Variants in SPRED1 observed in about 807,000 individuals in gnomAD.
SPRED1 encodes the protein sprouty related EVH1 domain containing 1, also known as sprouty-related, EVH1 domain-containing protein 1.
In SPRED1, 18 loss-of-function variants were observed where a neutral mutation model predicts 52.3. That is an observed-to-expected ratio of 0.34 (90% confidence interval 0.24 to 0.51). SPRED1 has a LOEUF of 0.51. SPRED1 is among the 20% of genes least tolerant of loss of function. The pLI, the probability that SPRED1 is intolerant of heterozygous loss-of-function variation, is 0.97. For missense variants in SPRED1, 485 were observed against 551.0 expected (o/e 0.88, Z 1.20); for synonymous variants, 155 against 179.7 (o/e 0.86, Z 1.10).
chr15:38,347,830 G>A (rs926790148), intron 5 of SPRED1, among the ~76,000 whole-genome samples: 6 of 152,040 alleles, frequency 3.9e-5, no homozygotes, highest in African/African-American at 7.2e-5. Flanking sequence ...AAATTTTCCT[G>A]AAGATTATAG....
chr15:38,255,509 CTATTA>C (rs1566845198), intron 1 of SPRED1, among the ~76,000 whole-genome samples: 1 of 152,018 alleles, frequency 6.6e-6, no homozygotes. Flanking sequence ...TTAAAAAACT[CTATTA>C]TATTAGAAAA....
intron 1 of SPRED1, among the ~76,000 whole-genome samples, chr15:38,296,165 T>A (rs528709773): frequency 9.9e-5 from 15 of 152,200 alleles, no homozygotes; most frequent in African/African-American, 3.4e-4. Context: ...TCTACTTGTC[T>A]AGCAGTTGGG....
At chr15:38,320,363 G>GTT (rs1895577188) in intron 2 of SPRED1, among the ~76,000 whole-genome samples, 1 of 152,162 alleles carries the variant, frequency 6.6e-6, no homozygotes, top group African/African-American at 2.4e-5. Context: ...TGCCACTGTA[G>GTT]TTTAAGGATT....
At chr15:38,278,272 A>G (rs1466444661) in intron 1 of SPRED1, among the ~76,000 whole-genome samples, 5 of 152,162 alleles carry the variant, frequency 3.3e-5, no homozygotes, top group African/African-American at 9.7e-5. Flanking sequence ...GCTTGAGCCC[A>G]GGAGTTTGAG....
chr15:38,333,304 A>G (rs1191078040), intron 4 of SPRED1, among the ~76,000 whole-genome samples: 1 of 152,206 alleles, frequency 6.6e-6, no homozygotes, highest in African/African-American at 2.4e-5. Context: ...AATTTGAAGC[A>G]TGTCATTGTT....
Position 38,324,801 on chromosome 15 carries a change from G to A in SPRED1, c.415G>A (p.Asp139Asn). The change falls in exon 4 of 7, where the codon GAC (aspartate) becomes AAC (asparagine). Residue 139 changes from aspartate (D) to asparagine (N), a missense_variant. Asp to Asn is a conservative substitution (Grantham distance 23, BLOSUM62 1). Coordinates refer to ENST00000299084, the MANE Select transcript of SPRED1 (RefSeq NM_152594.3). ...AAAAAATGAAGCTGAAGGGGCAGATGACTTACAAGTAAGTAATGGCTTGGA... is the reference window on the plus strand; with the variant it reads ...AAAAAATGAAGCTGAAGGGGCAGATAACTTACAAGTAAGTAATGGCTTGGA... The part of the protein sequence containing the change: ...ESKNEAEGAD[D>N]LQANEEDSSS... 1 of 1,611,948 alleles carries A rather than the reference G, an allele frequency of 6.2e-7. No individual in the cohort carries two copies. The highest frequency in any genetic ancestry group is 8.5e-7 in the Non-Finnish European group (1 of 1,179,042).
intron 2 of SPRED1, among the ~76,000 whole-genome samples, chr15:38,301,045 G>T (rs994366808): frequency 6.6e-6 from 1 of 152,090 alleles, no homozygotes; most frequent in Non-Finnish European, 1.5e-5. Flanking sequence ...AGAGAAAAAT[G>T]CTTGCTCGAA....
chr15:38,271,454 G>T lies in SPRED1; in HGVS notation c.32+18237G>T, dbSNP rs181435127. Among the ~76,000 whole-genome samples the T allele has an allele frequency of 1.5e-4, 22 of 151,650 alleles. No individual in the cohort carries two copies. In the East Asian group the frequency reaches 4.1e-3, roughly 28 times the overall value. On this transcript the variant is annotated intron_variant, in intron 1 of 6. Transcript: ENST00000299084. The stretch of plus-strand genomic sequence containing the variant: ...GCTCTTAGGTTTGACAGTCATTAAT[G>T]TTGATACTTAATGAAATAGAGACAG...
rs1369190778 is a variant in SPRED1, at chr15:38,356,490, A to C, written c.*4826A>C. ...TTTCTTATTCTCCTAGAGCTTATCA[A>C]ATTATCACATAAGAGATAATTACTG... On this transcript the variant is annotated 3_prime_UTR_variant, in exon 7 of 7. Transcript: ENST00000299084. 1 of 152,134 alleles carries C rather than the reference A, an allele frequency of 6.6e-6. No homozygotes were observed. Among genetic ancestry groups the C allele is most frequent in the African/African-American group, 2.4e-5 (1 of 41,444 alleles). 9.4% of individuals were successfully genotyped at this position (152,134 alleles called of 1,614,324 possible).
At chr15:38,335,056 T>C (rs1247659033) in intron 4 of SPRED1, among the ~76,000 whole-genome samples, 1 of 152,140 alleles carries the variant, frequency 6.6e-6, no homozygotes, top group Non-Finnish European at 1.5e-5. Flanking sequence ...GTGTCTTTAA[T>C]TGAATGGTCA....
At chr15:38,266,367 C>T (rs971439957) in intron 1 of SPRED1, among the ~76,000 whole-genome samples, 12 of 152,116 alleles carry the variant, frequency 7.9e-5, no homozygotes, top group African/African-American at 1.9e-4. Context: ...GGGCCAGGCA[C>T]GGTGGCTCAT....
At chr15:38,256,397 ATAT>A (rs1566845445) in intron 1 of SPRED1, among the ~76,000 whole-genome samples, 1 of 152,156 alleles carries the variant, frequency 6.6e-6, no homozygotes, top group African/African-American at 2.4e-5. Flanking sequence ...ATTTAAAGGC[ATAT>A]TATATAATAC....
intron 2 of SPRED1, among the ~76,000 whole-genome samples, chr15:38,305,769 A>G (rs1895240531): frequency 6.6e-6 from 1 of 152,196 alleles, no homozygotes; most frequent in Non-Finnish European, 1.5e-5. Flanking sequence ...CTTAAAGTAG[A>G]ATAAATTTAT....
chr15:38,284,856 A>AT (rs75465161), intron 1 of SPRED1, among the ~76,000 whole-genome samples: 13 of 147,584 alleles, frequency 8.8e-5, no homozygotes, highest in South Asian at 4.3e-4. Context: ...TTCATCTGGG[A>AT]TTTTTTTTTT....
intron 2 of SPRED1, among the ~76,000 whole-genome samples, chr15:38,313,887 C>T (rs1025009961): frequency 6.6e-6 from 1 of 151,638 alleles, no homozygotes; most frequent in African/African-American, 2.4e-5. Flanking sequence ...GATTGTTGCA[C>T]TACACAAATT....
chr15:38,272,430 A>T (rs1365192184), intron 1 of SPRED1, among the ~76,000 whole-genome samples: 1 of 151,894 alleles, frequency 6.6e-6, no homozygotes, highest in Non-Finnish European at 1.5e-5. Context: ...CACCACGCCC[A>T]GCTAATTTTT....
In SPRED1 at chr15:38,352,474, A is replaced by G. The variant is rs886051108; in HGVS notation, c.*810A>G. 3 of 152,492 alleles carry G rather than the reference A, an allele frequency of 2.0e-5. No homozygotes were observed. Among genetic ancestry groups the G allele is most frequent in the Non-Finnish European group, 4.4e-5 (3 of 67,980 alleles). 9.4% of individuals were successfully genotyped at this position (152,492 alleles called of 1,614,324 possible). On this transcript the variant is annotated 3_prime_UTR_variant, in exon 7 of 7. Transcript: ENST00000299084. Reference sequence around the variant, plus strand: ...TTTTAAAGCACAGATGTAATTGTCTAATGTTCTGATGGGAACGTAACACTT... The same window carrying G: ...TTTTAAAGCACAGATGTAATTGTCTGATGTTCTGATGGGAACGTAACACTT...
At chr15:38,314,109 A>G (rs1595742100) in intron 2 of SPRED1, among the ~76,000 whole-genome samples, 1 of 151,858 alleles carries the variant, frequency 6.6e-6, no homozygotes, top group African/African-American at 2.4e-5. Flanking sequence ...TTGTGGGTAA[A>G]TGATTAATTT....
intron 4 of SPRED1, among the ~76,000 whole-genome samples, chr15:38,328,796 T>G (rs1329626555): frequency 6.6e-6 from 1 of 152,106 alleles, no homozygotes; most frequent in African/African-American, 2.4e-5. Flanking sequence ...CTCAGCTCAC[T>G]GTAGCCTTTG....
Sources: allele counts gnomAD v4.1 joint callset (sites outside exome capture counted in the v4.1 genomes callset), GRCh38; gene constraint gnomAD v4.1.1; transcripts MANE v1.5; gene names NCBI Gene and HGNC (gene_info 2026-07-23, HGNC 2026-07-21).